Variants in TRAF2 observed in about 807,000 individuals in gnomAD.
The protein encoded by TRAF2 is TNF receptor associated factor 2, also known as TNF receptor-associated factor 2.
In TRAF2, 6 loss-of-function variants were observed where a neutral mutation model predicts 55.6. The ratio of observed to expected loss-of-function variants is 0.11; its 90% CI spans 0.06 to 0.21. The LOEUF is 0.21. TRAF2 is among the 10% of genes least tolerant of loss of function. The pLI, the probability that TRAF2 is intolerant of heterozygous loss-of-function variation, is 1.00. For missense variants in TRAF2, 561 were observed against 684.5 expected, an observed-to-expected ratio of 0.82 and a Z score of 2.01; for synonymous variants, 329 against 276.3, an observed-to-expected ratio of 1.19 and a Z score of -1.89.
chr9:136,907,440 G>A (rs181364847), intron 4 of TRAF2, among the ~76,000 whole-genome samples: 3 of 152,382 alleles, frequency 2.0e-5, no homozygotes, highest in Admixed American at 1.3e-4. Context: ...GCCCTCGCCT[G>A]TCTTCCTCGC....
rs767528000 is a variant in TRAF2 at position 136,901,377 on chromosome 9, T to C, written c.366+857T>C. ...AGGCAGCCCAGTGTCTGCGGATGAA[T>C]GGATAAACACGGGAAGTGTGATCTG... is the stretch of plus-strand genomic sequence containing the variant. On this transcript the variant is annotated intron_variant, in intron 4 of 10. Transcript: ENST00000247668. Among the ~76,000 whole-genome samples the C allele has an allele frequency of 3.7e-4, 56 of 152,188 alleles. 1 individual carries two copies. Among genetic ancestry groups the C allele is most frequent in the Non-Finnish European group, 2.9e-4 (20 of 68,036 alleles).
chr9:136,892,895 C>T (rs1422597224), intron 1 of TRAF2, among the ~76,000 whole-genome samples: 2 of 152,084 alleles, frequency 1.3e-5, no homozygotes, highest in African/African-American at 2.4e-5. Context: ...AATAAATAAA[C>T]CATTAGTGGC....
At chr9:136,889,384 A>G (rs1336874579) in intron 1 of TRAF2, among the ~76,000 whole-genome samples, 3 of 151,482 alleles carry the variant, frequency 2.0e-5, no homozygotes, top group Non-Finnish European at 4.4e-5. Context: ...CCCAGGTTCA[A>G]GTGATTCTCC....
intron 1 of TRAF2, among the ~76,000 whole-genome samples, chr9:136,889,972 A>T (rs1293905534): frequency 7.5e-6 from 1 of 133,008 alleles, no homozygotes; most frequent in African/African-American, 3.0e-5. Flanking sequence ...ACGCTCGTTC[A>T]GCCGGTCACC....
At chr9:136,891,495 C>T (rs568870803) in intron 1 of TRAF2, among the ~76,000 whole-genome samples, 6 of 152,204 alleles carry the variant, frequency 3.9e-5, no homozygotes, top group East Asian at 1.9e-4. Context: ...CTGCCTACCT[C>T]GGCCTCCCAA....
intron 4 of TRAF2, among the ~76,000 whole-genome samples, chr9:136,904,234 C>T (rs7868671): frequency 0.77 from 117,108 of 152,088 alleles, 45,426 homozygotes; most frequent in East Asian, 0.87. Flanking sequence ...AATAGAGTCT[C>T]GCTCTGTTGC....
At chr9:136,893,742 C>G (rs1849626100) in intron 1 of TRAF2, among the ~76,000 whole-genome samples, 1 of 152,038 alleles carries the variant, frequency 6.6e-6, no homozygotes, top group Admixed American at 6.6e-5. Context: ...TGGTAGTGAC[C>G]CTTTTTCTTT....
intron 9 of TRAF2, chr9:136,922,271 G>A (rs1850404958): frequency 6.6e-6 from 1 of 152,256 alleles, no homozygotes; most frequent in South Asian, 2.1e-4. Context: ...ATGAAAGATT[G>A]TTTTAGGGGA....
chr9:136,882,160 CCTGAGTAAAAGGA>C, upstream of TRAF2: 5 of 605,332 alleles, frequency 8.3e-6, no homozygotes, highest in South Asian at 3.6e-4. Context: ...CGTCCCAAGA[CCTGAGTAAAAGGA>C]CATGAGGTGT....
intron 9 of TRAF2, among the ~76,000 whole-genome samples, chr9:136,923,610 C>CAAAAAAAAAAA (rs55666712): frequency 1.5e-5 from 1 of 67,748 alleles, no homozygotes. Flanking sequence ...GACTCCATCT[C>CAAAAAAAAAAA]AAAAAAAAAA....
intron 6 of TRAF2, 53 bp from the exon 7 acceptor site, chr9:136,916,488 C>T: frequency 6.3e-7 from 1 of 1,582,474 alleles, no homozygotes; most frequent in Non-Finnish European, 8.7e-7. Context: ...TGTGGAAGTG[C>T]TGAAATGCAT....
At chr9:136,920,646 A>G in intron 8 of TRAF2, 131 bp downstream of exon 8, 1 of 1,269,922 alleles carries the variant, frequency 7.9e-7, no homozygotes, top group Non-Finnish European at 1.1e-6. Flanking sequence ...TGCAAACCCC[A>G]GTCCAGTGTG....
intron 1 of TRAF2, among the ~76,000 whole-genome samples, chr9:136,895,734 A>G (rs1849665816): frequency 6.6e-6 from 1 of 151,690 alleles, no homozygotes; most frequent in Admixed American, 6.6e-5. Context: ...CTGTGGTCCC[A>G]GTTACTTGGG....
chr9:136,886,373 C>T, upstream of TRAF2: 2 of 984,614 alleles, frequency 2.0e-6, no homozygotes, highest in Non-Finnish European at 2.4e-6. Context: ...CAGGCGCGCT[C>T]GGAGCGGGGC....
At chr9:136,895,699 A>C (rs1849664949) in intron 1 of TRAF2, among the ~76,000 whole-genome samples, 2 of 152,104 alleles carry the variant, frequency 1.3e-5, no homozygotes, top group Admixed American at 1.3e-4. Flanking sequence ...AATACAAAAA[A>C]TTAGCCACCT....
chr9:136,903,456 G>T (rs1258812987), intron 4 of TRAF2, among the ~76,000 whole-genome samples: 1 of 152,104 alleles, frequency 6.6e-6, no homozygotes, highest in Non-Finnish European at 1.5e-5. Flanking sequence ...CGGCCTCATG[G>T]ACATTCTAGT....
At chr9:136,916,931 C>T (rs539985563) in intron 7 of TRAF2, among the ~76,000 whole-genome samples, 6 of 152,278 alleles carry the variant, frequency 3.9e-5, no homozygotes, top group Admixed American at 6.5e-5. Flanking sequence ...CCGGCCGGCT[C>T]GCCACGACCA....
chr9:136,883,585 C>T (rs548596436), upstream of TRAF2, among the ~76,000 whole-genome samples: 4 of 152,144 alleles, frequency 2.6e-5, no homozygotes, highest in Admixed American at 2.6e-4. Flanking sequence ...GGCGTAATCT[C>T]GGCTCACTGC....
Position 136,898,766 on chromosome 9 carries a change from C to G in TRAF2, c.26C>G (p.Pro9Arg), listed in dbSNP as rs532828294. MAAASVTP[P>R]GSLELLQPGF... is the part of the protein sequence containing the mutation. ...ATGGCTGCAGCTAGCGTGACCCCCC[C>G]TGGCTCCCTGGAGTTGCTACAGCCC... Residue 9 changes from proline to arginine, a missense_variant, in exon 2 of 11, where the codon CCT becomes CGT. This residue lies in a region of TRAF2 where 426 missense variants were observed against 476.8 expected (regional missense o/e 0.89). Coordinates refer to ENST00000247668, the MANE Select transcript of TRAF2 (RefSeq NM_021138.4). 1 of 1,613,684 alleles carries G rather than the reference C, an allele frequency of 6.2e-7. No individual in the cohort carries two copies. The highest frequency in any genetic ancestry group is 2.2e-5 in the East Asian group (1 of 44,888).
Sources: gnomAD v4.1 joint callset for allele counts (sites outside exome capture counted in the v4.1 genomes callset) on GRCh38, gnomAD v4.1.1 for gene constraint, gnomAD v4.1.1 regional missense constraint, MANE v1.5 for transcripts, NCBI Gene and HGNC (gene_info 2026-07-23, HGNC 2026-07-21) for gene names.